Variants in INSC observed in about 807,000 individuals in gnomAD.
INSC encodes the protein protein inscuteable homolog.
Under a neutral mutation model 58.6 loss-of-function variants are expected in INSC, and 67 were observed. The ratio of observed to expected loss-of-function variants is 1.14; its 90% CI spans 0.94 to 1.40. The LOEUF is 1.40. INSC is among the 40% of genes most tolerant of loss of function. The pLI, the probability that INSC is intolerant of heterozygous loss-of-function variation, is 0.00. For missense variants in INSC, 714 were observed against 692.0 expected, an observed-to-expected ratio of 1.03 and a Z score of -0.36; for synonymous variants, 262 against 276.1, an observed-to-expected ratio of 0.95 and a Z score of 0.51.
chr11:15,113,790 A>G (rs935995412), upstream of INSC, among the ~76,000 whole-genome samples: 1 of 152,188 alleles, frequency 6.6e-6, no homozygotes, highest in East Asian at 1.9e-4. Flanking sequence ...GTTCGAGTCC[A>G]GGGAGCAGCA....
At chr11:15,230,943 C>T (rs997174170) in intron 9 of INSC, among the ~76,000 whole-genome samples, 4 of 152,148 alleles carry the variant, frequency 2.6e-5, no homozygotes, top group African/African-American at 9.7e-5. Context: ...AGAAGACCCA[C>T]GTACCAGAGA....
chr11:15,167,825 C>G (rs1396235133), intron 2 of INSC, among the ~76,000 whole-genome samples: 4 of 152,146 alleles, frequency 2.6e-5, no homozygotes, highest in Admixed American at 2.6e-4. Context: ...CTTTTCCCCA[C>G]TGGCACCTTG....
the INSC span, among the ~76,000 whole-genome samples, chr11:15,257,176 A>G: frequency 6.6e-6 from 1 of 152,208 alleles, no homozygotes; most frequent in Non-Finnish European, 1.5e-5. Context: ...CTTGGCAAGG[A>G]TAACAGAGAG....
At chr11:15,147,130 A>C (rs1187633670) in intron 1 of INSC, among the ~76,000 whole-genome samples, 1 of 152,200 alleles carries the variant, frequency 6.6e-6, no homozygotes, top group Non-Finnish European at 1.5e-5. Context: ...TCTTAGTTTT[A>C]CCCTGAGAAG....
intron 2 of INSC, among the ~76,000 whole-genome samples, chr11:15,159,524 C>A (rs1848940593): frequency 6.6e-6 from 1 of 152,118 alleles, no homozygotes; most frequent in Admixed American, 6.5e-5. Context: ...TCATGACAAA[C>A]AATGGGAATA....
At chr11:15,243,110 T>C (rs1852420940) in intron 12 of INSC, among the ~76,000 whole-genome samples, 5 of 152,150 alleles carry the variant, frequency 3.3e-5, no homozygotes, top group Non-Finnish European at 4.4e-5. Flanking sequence ...ATTAATTGAT[T>C]TGGGGACTGA....
chr11:15,264,274 G>T, the INSC span, among the ~76,000 whole-genome samples: 14 of 138,652 alleles, frequency 1.0e-4, no homozygotes, highest in African/African-American at 3.5e-4. Context: ...CTCATGCTTG[G>T]AATCTTGATC....
chr11:15,266,975 C>G, the INSC span, among the ~76,000 whole-genome samples: 1 of 151,916 alleles, frequency 6.6e-6, no homozygotes, highest in Non-Finnish European at 1.5e-5. Flanking sequence ...TGTTTTATTC[C>G]TTTGTGTAAA....
intron 2 of INSC, among the ~76,000 whole-genome samples, chr11:15,157,456 T>C (rs934588442): frequency 2.0e-5 from 3 of 152,214 alleles, no homozygotes; most frequent in Non-Finnish European, 4.4e-5. Context: ...CATGGTGAGA[T>C]GGCAGCTCGA....
chr11:15,187,129 T>C (rs1849998947), intron 5 of INSC, among the ~76,000 whole-genome samples: 1 of 152,166 alleles, frequency 6.6e-6, no homozygotes, highest in East Asian at 1.9e-4. Flanking sequence ...TAGCATCACA[T>C]TCTCACAGTT....
chr11:15,208,237 A>G (rs1169506311), intron 7 of INSC, among the ~76,000 whole-genome samples: 2 of 152,110 alleles, frequency 1.3e-5, no homozygotes, highest in African/African-American at 4.8e-5. Flanking sequence ...TTGGCACTCA[A>G]CCCATCTAGG....
At chr11:15,143,993 C>T (rs948557211) in intron 1 of INSC, among the ~76,000 whole-genome samples, 4 of 152,192 alleles carry the variant, frequency 2.6e-5, no homozygotes, top group Non-Finnish European at 4.4e-5. Flanking sequence ...TCCTTTCAGT[C>T]TCAAGCTCCT....
At chr11:15,240,552 C>T (rs1400021528) in intron 12 of INSC, 29 bp downstream of exon 12, 1 of 1,598,246 alleles carries the variant, frequency 6.3e-7, no homozygotes, top group Non-Finnish European at 8.6e-7. Flanking sequence ...CCCAGCTTTT[C>T]CCCTGGCCTT....
intron 9 of INSC, among the ~76,000 whole-genome samples, chr11:15,232,537 G>A (rs7926611): frequency 0.012 from 1,754 of 152,280 alleles, 23 homozygotes; most frequent in African/African-American, 0.04. Flanking sequence ...GGGATTAAAG[G>A]CATGAGCTAT....
intron 8 of INSC, among the ~76,000 whole-genome samples, chr11:15,224,740 C>G (rs1851567880): frequency 6.6e-6 from 1 of 152,164 alleles, no homozygotes; most frequent in African/African-American, 2.4e-5. Context: ...CTGTGGAGCC[C>G]ATGGGGGATG....
intron 1 of INSC, among the ~76,000 whole-genome samples, chr11:15,145,046 C>T (rs2133736372): frequency 6.6e-6 from 1 of 152,286 alleles, no homozygotes; most frequent in South Asian, 2.1e-4. Flanking sequence ...CTTCCCTGCT[C>T]ACTCCTACAT....
intron 7 of INSC, among the ~76,000 whole-genome samples, chr11:15,219,039 G>A (rs532773451): frequency 5.6e-4 from 85 of 152,298 alleles, no homozygotes; most frequent in Admixed American, 8.5e-4. Flanking sequence ...GGACAGGGGA[G>A]CAGACAGACA....
chr11:15,207,895 C>G (rs1850869140), intron 7 of INSC, among the ~76,000 whole-genome samples: 1 of 152,044 alleles, frequency 6.6e-6, no homozygotes, highest in Admixed American at 6.5e-5. Flanking sequence ...TACAGAAGAG[C>G]AAGTTGAGGC....
intron 2 of INSC, among the ~76,000 whole-genome samples, chr11:15,162,976 G>C (rs1408164004): frequency 6.6e-6 from 1 of 152,054 alleles, no homozygotes; most frequent in African/African-American, 2.4e-5. Flanking sequence ...AAAAAATCTG[G>C]TTCTCATCTC....
Sources: gnomAD v4.1 joint callset for allele counts (sites outside exome capture counted in the v4.1 genomes callset) on GRCh38, gnomAD v4.1.1 for gene constraint, MANE v1.5 for transcripts, NCBI Gene and HGNC (gene_info 2026-07-23, HGNC 2026-07-21) for gene names.